Variants in TMEM229B observed in about 807,000 individuals in gnomAD.
The protein encoded by TMEM229B is chromosome 14 open reading frame 83.
Under a neutral mutation model 13.7 loss-of-function variants are expected in TMEM229B, and 6 were observed. The ratio of observed to expected loss-of-function variants is 0.44; its 90% CI spans 0.24 to 0.86. The LOEUF is 0.86. Ranked by LOEUF, TMEM229B falls within the 40% of genes least tolerant of loss-of-function variation. The probability of loss-of-function intolerance (pLI) is 0.23; values close to 1 mark genes in which losing one functional copy is unlikely to be tolerated. For synonymous variants in TMEM229B, 107 were observed against 102.1 expected, an observed-to-expected ratio of 1.05 and a Z score of -0.29; for missense variants, 170 against 236.0, an observed-to-expected ratio of 0.72 and a Z score of 1.83.
upstream of TMEM229B, among the ~76,000 whole-genome samples, chr14:67,493,372 G>A (rs182895184): frequency 3.3e-5 from 5 of 152,262 alleles, no homozygotes; most frequent in East Asian, 5.8e-4. Flanking sequence ...GTAGCCAATC[G>A]GAATTAGTTT....
intron 1 of TMEM229B, among the ~76,000 whole-genome samples, chr14:67,505,593 C>CT (rs1373226125): frequency 6.6e-6 from 1 of 152,122 alleles, no homozygotes; most frequent in African/African-American, 2.4e-5. Flanking sequence ...AGCAGGTCTT[C>CT]TCTGAGATGG....
rs1261304437 is a variant in TMEM229B at position 67,487,185 on chromosome 14, G to A, written c.-191-13C>T. On this transcript the variant is annotated splice_polypyrimidine_tract_variant and intron_variant, in intron 1 of 2. Coordinates refer to ENST00000554480, the MANE Select transcript of TMEM229B (RefSeq NM_001348543.2). ...CTTCCATGTGTCCCTGGGAATAAAAGAGGAGGCTTTTATTAGCTTAAACTG... is the reference window on the plus strand; with the variant it reads ...CTTCCATGTGTCCCTGGGAATAAAAAAGGAGGCTTTTATTAGCTTAAACTG... 1.3e-5 allele frequency: 2 copies of A among 152,212 alleles called. No homozygotes were observed. The highest frequency in any genetic ancestry group is 2.1e-4 in the South Asian group (1 of 4,834). The allele number at this position is 152,212 out of a possible 1,614,324, so 9.4% of individuals were successfully genotyped here. A position where few individuals can be genotyped will look rare whatever the true frequency, so the allele number is the denominator to read the frequency against.
At chr14:67,491,977 C>T (rs1399387272), upstream of TMEM229B, among the ~76,000 whole-genome samples, 2 of 152,176 alleles carry the variant, frequency 1.3e-5, no homozygotes, top group Non-Finnish European at 2.9e-5. Flanking sequence ...CCCCTCTGTG[C>T]CCCTTGCTCT....
At chr14:67,508,872 G>C (rs1344824304) in intron 1 of TMEM229B, among the ~76,000 whole-genome samples, 7 of 151,564 alleles carry the variant, frequency 4.6e-5, no homozygotes, top group African/African-American at 1.5e-4. Context: ...TATTTTCTCA[G>C]AAGAACAGAA....
chr14:67,520,419 A>AT (rs2033273649), upstream of TMEM229B, among the ~76,000 whole-genome samples: 2 of 152,230 alleles, frequency 1.3e-5, no homozygotes, highest in Non-Finnish European at 2.9e-5. Flanking sequence ...AATGTCATAT[A>AT]GGTGAAATCA....
chr14:67,489,912 C>G (rs2140140665), upstream of TMEM229B, among the ~76,000 whole-genome samples: 1 of 152,062 alleles, frequency 6.6e-6, no homozygotes, highest in Admixed American at 6.5e-5. Flanking sequence ...ATGGCGTGAA[C>G]CTGGGAGGCA....
In TMEM229B at chr14:67,473,599, C is replaced by G. The variant is rs1221612438; in HGVS notation, c.325G>C (p.Asp109His). 6.2e-7 allele frequency: 1 copy of G among 1,604,714 alleles called. No individual in the cohort carries two copies. Among genetic ancestry groups the G allele is most frequent in the African/African-American group, 1.3e-5 (1 of 74,964 alleles). The change falls in exon 3 of 3, where the codon GAC (aspartate) becomes CAC (histidine). Residue 109 changes from aspartate (D) to histidine (H), a missense_variant. By Grantham distance (81) the Asp-to-His change is moderately conservative. Around this residue, in one of 4 missense-constraint regions of TMEM229B, gnomAD observed 57 missense variants for 66.7 expected, o/e 0.85. Coordinates refer to ENST00000554480, the MANE Select transcript of TMEM229B (RefSeq NM_001348543.2). This position sits in a 1 kb window ranked among gnomAD's most constrained non-coding sequence, Gnocchi z 6.5. ...NACPWDYSQF[D>H]FDFMGLITLE... Reference sequence around the variant, plus strand: ...GTGATGAGGCCCATGAAGTCAAAGTCGAACTGGGAGTAGTCCCAGGGGCAG... The same window carrying G: ...GTGATGAGGCCCATGAAGTCAAAGTGGAACTGGGAGTAGTCCCAGGGGCAG...
chr14:67,491,270 G>A (rs141215640), upstream of TMEM229B, among the ~76,000 whole-genome samples: 692 of 152,240 alleles, frequency 4.5e-3, 3 homozygotes, highest in Non-Finnish European at 7.8e-3. Flanking sequence ...CACCAGCACC[G>A]CCACATGTTC....
upstream of TMEM229B, among the ~76,000 whole-genome samples, chr14:67,517,392 G>T (rs7144624): frequency 0.4 from 60,220 of 151,840 alleles, 12,934 homozygotes; most frequent in East Asian, 0.48. Context: ...GGTAGGCGCC[G>T]GGCTCAGTGC....
At chr14:67,502,359 A>C (rs11849506) in intron 1 of TMEM229B, among the ~76,000 whole-genome samples, 5 of 151,916 alleles carry the variant, frequency 3.3e-5, no homozygotes, top group Admixed American at 3.3e-4. Context: ...AAAAAAAAAG[A>C]AAAAAATGCA....
Position 67,523,474 on chromosome 14 carries a change from T to A in TMEM229B, c.-192+10162A>T, listed in dbSNP as rs145807543. ...GATTATACAGGTAGGGTTATACAGG[T>A]AGCAAAGAATGAAACCTAGGCATTT... On this transcript the variant is annotated intron_variant, in intron 1 of 2. Transcript: ENST00000554278. 3.7e-3 allele frequency among the ~76,000 whole-genome samples: 562 copies of A among 152,332 alleles called. 2 individuals are homozygous for A. The highest frequency in any genetic ancestry group is 0.013 in the African/African-American group (540 of 41,572).
intron 1 of TMEM229B, among the ~76,000 whole-genome samples, chr14:67,532,307 T>C (rs1323266283): frequency 1.3e-5 from 2 of 152,190 alleles, no homozygotes; most frequent in Non-Finnish European, 2.9e-5. Flanking sequence ...GCGCTGATGG[T>C]ATTTTGCTTC....
intron 1 of TMEM229B, among the ~76,000 whole-genome samples, chr14:67,511,105 T>G (rs2033009394): frequency 6.6e-6 from 1 of 152,192 alleles, no homozygotes; most frequent in Non-Finnish European, 1.5e-5. Context: ...AAACGGATCA[T>G]TCCAGAAGCT....
rs1404407672 is a variant in TMEM229B, at chr14:67,473,968, G to A, written c.-18-27C>T. Reference sequence around the variant, plus strand: ...TGCGGGGGGCGCAAGAGAGACAGGTGAGGGCCGGGCGCGGTGGCTCACGCC... The same window carrying A: ...TGCGGGGGGCGCAAGAGAGACAGGTAAGGGCCGGGCGCGGTGGCTCACGCC... On this transcript the variant is annotated intron_variant, in intron 2 of 2. Transcript: ENST00000554480. The surrounding 1 kb of genome is among the most constrained non-coding windows in gnomAD (Gnocchi z 6.5). 6 of 1,553,266 alleles carry A rather than the reference G, an allele frequency of 3.9e-6. No homozygotes were observed. The East Asian group carries it at 1.4e-4, about 36-fold the overall frequency.
intron 2 of TMEM229B, among the ~76,000 whole-genome samples, chr14:67,475,380 C>T (rs957924850): frequency 1.3e-5 from 2 of 152,148 alleles, no homozygotes; most frequent in Admixed American, 1.3e-4. Context: ...TGAGTCCCTG[C>T]TCTCAACTCT....
At chr14:67,508,264 A>G (rs2032899927) in intron 1 of TMEM229B, among the ~76,000 whole-genome samples, 1 of 151,884 alleles carries the variant, frequency 6.6e-6, no homozygotes, top group African/African-American at 2.4e-5. Flanking sequence ...CTTCCCTCCC[A>G]ACTCTGACTT....
At chr14:67,499,716 G>C (rs2032527346) in intron 1 of TMEM229B, among the ~76,000 whole-genome samples, 1 of 152,150 alleles carries the variant, frequency 6.6e-6, no homozygotes, top group African/African-American at 2.4e-5. Flanking sequence ...ACCTCCAATA[G>C]GTTAAAAAGG....
At chr14:67,495,494 T>C (rs1770426786) in intron 1 of TMEM229B, among the ~76,000 whole-genome samples, 8 of 152,290 alleles carry the variant, frequency 5.3e-5, no homozygotes, top group Admixed American at 5.2e-4. Flanking sequence ...GGATTTTTTT[T>C]TTTTTCAGAT....
chr14:67,483,015 G>GT (rs907304276), intron 2 of TMEM229B, among the ~76,000 whole-genome samples: 7 of 152,006 alleles, frequency 4.6e-5, no homozygotes, highest in African/African-American at 1.7e-4. Context: ...TTTTTTGTTT[G>GT]TTTTTTGTTT....
Sources: gnomAD v4.1 joint callset for allele counts (sites outside exome capture counted in the v4.1 genomes callset) on GRCh38, gnomAD v4.1.1 for gene constraint, gnomAD v4.1.1 regional missense constraint, Gnocchi (gnomAD v3.1) non-coding constraint, MANE v1.5 for transcripts, NCBI Gene and HGNC (gene_info 2026-07-23, HGNC 2026-07-21) for gene names.